MMP26: variants seen among roughly 807,000 people sequenced by gnomAD.
MMP26 encodes matrix metallopeptidase 26, also known as matrix metalloproteinase-26.
A neutral mutation model predicts 31.0 loss-of-function variants in MMP26; 33 were observed. The ratio of observed to expected loss-of-function variants is 1.06; its 90% CI spans 0.81 to 1.42. MMP26 has a LOEUF of 1.42. MMP26 is among the 40% of genes most tolerant of loss of function. The probability of loss-of-function intolerance (pLI) is 0.00; values close to 1 mark genes in which losing one functional copy is unlikely to be tolerated. For missense variants in MMP26, 347 were observed against 316.1 expected (o/e 1.10, Z -0.74); for synonymous variants, 122 against 114.9 (o/e 1.06, Z -0.40).
rs1423948649 is a variant in MMP26, at chr11:4,803,595, G to T, written c.-145+36254G>T. The T allele has an allele frequency of 3.1e-6, 5 of 1,613,832 alleles. No individual in the cohort carries two copies. In the South Asian group the frequency reaches 5.5e-5, roughly 18 times the overall value. ...CATCATGGCCAAAGCGGTAGGTGAGGAAAGAAAAAAGGGCTGGGATATAAA... is the reference window on the plus strand; with the variant it reads ...CATCATGGCCAAAGCGGTAGGTGAGTAAAGAAAAAAGGGCTGGGATATAAA... On this transcript the variant is annotated intron_variant, in intron 2 of 7. Transcript: ENST00000380390.
At chr11:4,946,256 A>C (rs190505151) in intron 2 of MMP26, 6 of 1,614,032 alleles carry the variant, frequency 3.7e-6, no homozygotes, top group Non-Finnish European at 5.1e-6. Flanking sequence ...AGGTACAAGT[A>C]GGAGAACATT....
Position 4,950,292 on chromosome 11 carries a change from C to A in MMP26, c.-144-37776C>A, listed in dbSNP as rs1240606459. ...AGAATTAATTAATAGAAAGCATTTC[C>A]ATGGAAAGACCTCTGGGAATAAATA... On this transcript the variant is annotated intron_variant, in intron 2 of 7. Coordinates refer to ENST00000380390, the MANE Select transcript of MMP26 (RefSeq NM_021801.5). Among the ~76,000 whole-genome samples, 2 of 121,094 alleles carry A rather than the reference C, an allele frequency of 1.7e-5. 1 individual carries two copies. The highest frequency in any genetic ancestry group is 3.7e-5 in the Non-Finnish European group (2 of 53,452). 79.4% of individuals were successfully genotyped at this position (121,094 alleles called of 152,430 possible). A position where few individuals can be genotyped will look rare whatever the true frequency, so the allele number is the denominator to read the frequency against.
At chr11:4,923,825 T>C (rs1851223649) in intron 2 of MMP26, 2 of 1,613,384 alleles carry the variant, frequency 1.2e-6, no homozygotes, top group East Asian at 2.2e-5. Flanking sequence ...CACATGGGAG[T>C]GGCAGTATTG....
intron 5 of MMP26, among the ~76,000 whole-genome samples, chr11:4,991,108 G>T (rs1846994700): frequency 6.6e-6 from 1 of 152,150 alleles, no homozygotes; most frequent in Admixed American, 6.5e-5. Context: ...TTTGAAAAGA[G>T]GTTATCATTA....
At chr11:4,886,864 T>C (rs568261011) in intron 2 of MMP26, among the ~76,000 whole-genome samples, 14 of 152,016 alleles carry the variant, frequency 9.2e-5, no homozygotes, top group Non-Finnish European at 1.3e-4. Context: ...AGTTACATTG[T>C]AGTTATTTAA....
At chr11:4,955,732 T>C (rs1846433875) in intron 2 of MMP26, 2 of 1,568,626 alleles carry the variant, frequency 1.3e-6, no homozygotes, top group Non-Finnish European at 1.7e-6. Flanking sequence ...CATAGGGCTC[T>C]GCTATGAAAA....
chr11:4,759,606 G>A (rs1057422914), intron 1 of MMP26, among the ~76,000 whole-genome samples: 4 of 152,222 alleles, frequency 2.6e-5, no homozygotes, highest in Admixed American at 1.3e-4. Context: ...ATATGAGACC[G>A]TGCTAATTTC....
At chr11:4,867,827 G>C (rs892438593) in intron 2 of MMP26, among the ~76,000 whole-genome samples, 1 of 152,100 alleles carries the variant, frequency 6.6e-6, no homozygotes, top group Non-Finnish European at 1.5e-5. Flanking sequence ...TGTGGAAGAA[G>C]TTATGGCATT....
In MMP26 at chr11:4,915,378, C is replaced by T. The variant is rs12419598; in HGVS notation, c.-144-72690C>T. Reference sequence around the variant, plus strand: ...GCAAAGCAGGCATCATGGCTAATTTCTCGTGCTCCAACCCAAAAGATGCCC... The same window carrying T: ...GCAAAGCAGGCATCATGGCTAATTTTTCGTGCTCCAACCCAAAAGATGCCC... On this transcript the variant is annotated intron_variant, in intron 2 of 7. Transcript: ENST00000380390. 5 of 1,613,788 alleles carry T rather than the reference C, an allele frequency of 3.1e-6. No individual in the cohort carries two copies. The East Asian group carries it at 1.1e-4, about 36-fold the overall frequency.
At chr11:4,864,205 T>G (rs1850204331) in intron 2 of MMP26, among the ~76,000 whole-genome samples, 1 of 152,230 alleles carries the variant, frequency 6.6e-6, no homozygotes, top group African/African-American at 2.4e-5. Context: ...TCTTTGGTTT[T>G]CTGAATTGTT....
At chr11:4,928,087 A>G (rs1257742911) in intron 2 of MMP26, among the ~76,000 whole-genome samples, 2 of 151,834 alleles carry the variant, frequency 1.3e-5, no homozygotes, top group East Asian at 3.9e-4. Flanking sequence ...TTCAGATTCC[A>G]ACACTTTCTA....
chr11:4,722,668 G>A, intron 1 of MMP26: 1 of 695,522 alleles, frequency 1.4e-6, no homozygotes, highest in Non-Finnish European at 2.6e-6. Flanking sequence ...ACCCTGCACA[G>A]TGGCCTCCCT....
At chr11:4,743,844 C>T (rs1375869187) in intron 1 of MMP26, among the ~76,000 whole-genome samples, 1 of 152,098 alleles carries the variant, frequency 6.6e-6, no homozygotes, top group Non-Finnish European at 1.5e-5. Flanking sequence ...CTCACAGTGT[C>T]ATCTAGGCTG....
At position 4,776,400 on chromosome 11, in the gene MMP26, T is replaced by A. The variant is rs1848791379; in HGVS notation, c.-145+9059T>A. The stretch of plus-strand genomic sequence containing the variant: ...TTTTCCATAGAGATTGTACTTGTAT[T>A]CCCACCAAGACTGTATAAGCATTTT... On this transcript the variant is annotated intron_variant, in intron 2 of 7. Transcript: ENST00000380390. Among the ~76,000 whole-genome samples, 2 of 152,288 alleles carry A rather than the reference T, an allele frequency of 1.3e-5. 1 individual carries two copies. The highest frequency in any genetic ancestry group is 4.2e-4 in the South Asian group (2 of 4,818).
At chr11:4,710,298 G>C (rs778170053) in intron 1 of MMP26, 1 of 456,658 alleles carries the variant, frequency 2.2e-6, no homozygotes, top group Non-Finnish European at 4.4e-6. Flanking sequence ...TGGTACCTGT[G>C]TCTCTCACAT....
At chr11:4,780,079 ATTAG>A (rs1476230921) in intron 2 of MMP26, among the ~76,000 whole-genome samples, 2 of 152,126 alleles carry the variant, frequency 1.3e-5, no homozygotes, top group African/African-American at 4.8e-5. Flanking sequence ...ACATCAACTT[ATTAG>A]TTTGTTGACT....
intron 2 of MMP26, among the ~76,000 whole-genome samples, chr11:4,779,527 G>A (rs1442436753): frequency 6.6e-6 from 1 of 150,846 alleles, no homozygotes; most frequent in Non-Finnish European, 1.5e-5. Flanking sequence ...ACCCACTTTA[G>A]AAGTGTTTGT....
chr11:4,846,201 C>T (rs1036835868), intron 2 of MMP26, among the ~76,000 whole-genome samples: 1 of 152,086 alleles, frequency 6.6e-6, no homozygotes, highest in Admixed American at 6.6e-5. Flanking sequence ...TATATATACA[C>T]AATGGAGTAC....
At chr11:4,709,860 G>A (rs1236141948) in intron 1 of MMP26, 2 of 456,824 alleles carry the variant, frequency 4.4e-6, no homozygotes, top group East Asian at 1.4e-4. Context: ...CAGTTTTGAT[G>A]CCTGCATTGG....
Sources: allele counts gnomAD v4.1 joint callset (sites outside exome capture counted in the v4.1 genomes callset), GRCh38; gene constraint gnomAD v4.1.1; transcripts MANE v1.5; gene names NCBI Gene and HGNC (gene_info 2026-07-23, HGNC 2026-07-21).